Variants in CACNA1C observed in about 807,000 individuals in gnomAD.
CACNA1C encodes the protein calcium voltage-gated channel subunit alpha1 C.
In CACNA1C, 30 loss-of-function variants were observed where a neutral mutation model predicts 229.0. That is an observed-to-expected ratio of 0.13 (90% CI 0.10 to 0.18). The LOEUF (loss-of-function observed/expected upper bound fraction) is 0.18, where lower values mean the gene tolerates loss of function less well. Among genes scored for constraint, CACNA1C ranks in the 10% least tolerant of loss-of-function variants. The pLI is 1.00. For synonymous variants in CACNA1C, 1,114 were observed against 1,132.5 expected, an observed-to-expected ratio of 0.98 and a Z score of 0.33; for missense variants, 1,658 against 2,845.0, an observed-to-expected ratio of 0.58 and a Z score of 9.49.
rs73042186 is a variant in CACNA1C, at chr12:2,476,066, C to T, written c.758-10038C>T. Among the ~76,000 whole-genome samples, 969 of 152,298 alleles carry T rather than the reference C, an allele frequency of 6.4e-3. 4 individuals carry two copies. The highest frequency in any genetic ancestry group is 0.01 in the Non-Finnish European group (697 of 68,028). The stretch of plus-strand genomic sequence containing the variant: ...AGGTAGCTATATCATTGGCAGATGC[C>T]GAAGGAGATCTGCTCCTTACTCTGC... On this transcript the variant is annotated intron_variant, in intron 5 of 46. Coordinates refer to ENST00000399655, the MANE Select transcript of CACNA1C (RefSeq NM_000719.7).
intron 3 of CACNA1C, among the ~76,000 whole-genome samples, chr12:2,235,152 G>C (rs1203752906): frequency 6.6e-6 from 1 of 152,198 alleles, no homozygotes; most frequent in Non-Finnish European, 1.5e-5. Context: ...AGCCCCTTCG[G>C]CCTGCTCCCG....
intron 3 of CACNA1C, among the ~76,000 whole-genome samples, chr12:2,395,786 C>T (rs1173858671): frequency 2.0e-5 from 3 of 152,214 alleles, no homozygotes; most frequent in South Asian, 2.1e-4. Context: ...GCCGAACCCC[C>T]GACTTTCTCT....
chr12:2,164,694 C>G (rs2096117316), intron 3 of CACNA1C, among the ~76,000 whole-genome samples: 1 of 152,220 alleles, frequency 6.6e-6, no homozygotes, highest in South Asian at 2.1e-4. Flanking sequence ...ACTGGGGAAT[C>G]AGACAAACTT....
At position 2,493,117 on chromosome 12, in the gene CACNA1C, T is replaced by G. The variant is rs1412632670; in HGVS notation, c.917-73T>G. The G allele has an allele frequency of 7.5e-7, 1 of 1,340,200 alleles. No homozygotes were observed. The highest frequency in any genetic ancestry group is 1.4e-5 in the African/African-American group (1 of 69,022). 83.0% of individuals were successfully genotyped at this position (1,340,200 alleles called of 1,614,324 possible). A position where few individuals can be genotyped will look rare whatever the true frequency, so the allele number is the denominator to read the frequency against. On this transcript the variant is annotated intron_variant, in intron 6 of 46. Coordinates refer to ENST00000399655, the MANE Select transcript of CACNA1C (RefSeq NM_000719.7). This position sits in a 1 kb window ranked among gnomAD's most constrained non-coding sequence, Gnocchi z 4.6. ...TCAACCTCATCCTGTCACTTTTCTC[T>G]CTGACTTCTTTCTCTGCCCACATCT... is the stretch of plus-strand genomic sequence containing the variant.
rs187906195 is a variant in CACNA1C, at chr12:2,484,191, A to G, written c.758-1913A>G. The stretch of plus-strand genomic sequence containing the variant: ...AATAGTTCCAAGAAGACATAAAGGA[A>G]ACGTTTCTGGTCTGGGAGTTGCGTG... On this transcript the variant is annotated intron_variant, in intron 5 of 46. Transcript: ENST00000399655. Among the ~76,000 whole-genome samples the G allele has an allele frequency of 1.8e-3, 278 of 152,328 alleles. 2 individuals carry two copies. Among genetic ancestry groups the G allele is most frequent in the African/African-American group, 6.6e-3 (273 of 41,574 alleles).
In CACNA1C at chr12:2,543,697, T is replaced by C. The variant is rs148989190; in HGVS notation, c.1391-6246T>C. 5.9e-5 allele frequency among the ~76,000 whole-genome samples: 9 copies of C among 152,372 alleles called. No homozygotes were observed. In the East Asian group the frequency reaches 1.3e-3, roughly 23 times the overall value. On this transcript the variant is annotated intron_variant, in intron 9 of 46. Transcript: ENST00000399655. Reference sequence around the variant, plus strand: ...CCCCAAAAGAAAGATCTGAGACTTATGTGAACCATCCAGGGAGATGATTTA... The same window carrying C: ...CCCCAAAAGAAAGATCTGAGACTTACGTGAACCATCCAGGGAGATGATTTA...
At chr12:2,322,541 A>G (rs1031014684) in intron 3 of CACNA1C, among the ~76,000 whole-genome samples, 17 of 152,210 alleles carry the variant, frequency 1.1e-4, no homozygotes, top group Admixed American at 7.8e-4. Flanking sequence ...GCAAGAGAGA[A>G]ATCATCTTCT....
intron 3 of CACNA1C, among the ~76,000 whole-genome samples, chr12:2,311,528 GA>G (rs2095436100): frequency 6.6e-6 from 1 of 152,150 alleles, no homozygotes; most frequent in Non-Finnish European, 1.5e-5. Flanking sequence ...GTCCCAACCT[GA>G]GAAGAGGCTG....
intron 9 of CACNA1C, among the ~76,000 whole-genome samples, chr12:2,519,011 G>T (rs558667979): frequency 3.3e-5 from 5 of 152,222 alleles, no homozygotes; most frequent in Non-Finnish European, 5.9e-5. Context: ...CAAACCCAGG[G>T]CTCCAGATTC....
intron 29 of CACNA1C, among the ~76,000 whole-genome samples, chr12:2,617,543 C>G (rs1014481397): frequency 6.6e-6 from 1 of 152,328 alleles, no homozygotes; most frequent in Admixed American, 6.5e-5. Context: ...TCCAGTGTGC[C>G]CATGTGGGGG....
intron 1 of CACNA1C, among the ~76,000 whole-genome samples, chr12:2,033,351 A>G (rs1327700277): frequency 1.3e-5 from 2 of 152,122 alleles, no homozygotes; most frequent in African/African-American, 4.8e-5. Flanking sequence ...CTATCCTGGG[A>G]TGCTGAGGGG....
At chr12:2,109,316 G>GT (rs1292439113) in intron 1 of CACNA1C, among the ~76,000 whole-genome samples, 3 of 152,204 alleles carry the variant, frequency 2.0e-5, no homozygotes, top group Non-Finnish European at 4.4e-5. Flanking sequence ...GGCAGCTAGT[G>GT]TTTGAGTTCT....
At position 2,665,528 on chromosome 12, in the gene CACNA1C, G is replaced by A; in HGVS notation, c.4399-53G>A. The A allele has an allele frequency of 2.5e-6, 4 of 1,601,532 alleles. No individual in the cohort carries two copies. In the South Asian group the frequency reaches 3.3e-5, roughly 13 times the overall value. On this transcript the variant is annotated intron_variant, in intron 35 of 46. Coordinates refer to ENST00000399655, the MANE Select transcript of CACNA1C (RefSeq NM_000719.7). The surrounding 1 kb of genome is among the most constrained non-coding windows in gnomAD (Gnocchi z 5.9). ...CCCAGCTGGCAAGGGGGTTCCAGAG[G>A]CAGGTGTGTAGGAAGGTCTTCTCAC...
At chr12:2,051,010 T>TG (rs1304946135), upstream of CACNA1C, among the ~76,000 whole-genome samples, 14 of 152,010 alleles carry the variant, frequency 9.2e-5, no homozygotes, top group Middle Eastern at 3.2e-3. Flanking sequence ...TACATTTTAG[T>TG]GGGGGGATAC....
At chr12:2,113,610 T>C (rs1032764843) in intron 1 of CACNA1C, among the ~76,000 whole-genome samples, 2 of 152,184 alleles carry the variant, frequency 1.3e-5, no homozygotes, top group Non-Finnish European at 2.9e-5. Context: ...CCACAGTCTC[T>C]GGGCAGCTGA....
chr12:2,065,646 A>G (rs1361350970), intron 1 of CACNA1C, among the ~76,000 whole-genome samples: 1 of 152,208 alleles, frequency 6.6e-6, no homozygotes, highest in Non-Finnish European at 1.5e-5. Flanking sequence ...TTACAAGGAT[A>G]TAAAGATAAA....
chr12:2,470,913 A>G (rs529881679), intron 5 of CACNA1C, among the ~76,000 whole-genome samples: 44 of 151,752 alleles, frequency 2.9e-4, no homozygotes, highest in African/African-American at 1.0e-3. Flanking sequence ...GCTCACTGCA[A>G]CCACCCCCTC....
At chr12:2,330,835 A>G (rs997850191) in intron 3 of CACNA1C, among the ~76,000 whole-genome samples, 5 of 152,260 alleles carry the variant, frequency 3.3e-5, no homozygotes, top group Admixed American at 6.5e-5. Context: ...GTTTGCCACA[A>G]TATATTCCAA....
At chr12:2,340,528 C>T (rs2096830802) in intron 3 of CACNA1C, among the ~76,000 whole-genome samples, 1 of 152,222 alleles carries the variant, frequency 6.6e-6, no homozygotes. Flanking sequence ...TCTAACAAAA[C>T]ATGGCTGAAC....
Sources: gnomAD v4.1 joint callset for allele counts (sites outside exome capture counted in the v4.1 genomes callset) on GRCh38, gnomAD v4.1.1 for gene constraint, Gnocchi (gnomAD v3.1) non-coding constraint, MANE v1.5 for transcripts, NCBI Gene and HGNC (gene_info 2026-07-23, HGNC 2026-07-21) for gene names.